BBS9: variants seen among roughly 807,000 people sequenced by gnomAD.
The protein encoded by BBS9 is protein PTHB1.
BBS9 carries 89 observed loss-of-function variants against 117.7 expected under a neutral mutation model. That is an observed-to-expected ratio of 0.76 (90% CI 0.64 to 0.90). The LOEUF is 0.90. Among genes scored for constraint, BBS9 ranks in the 40% least tolerant of loss-of-function variants. The probability of loss-of-function intolerance (pLI) is 0.00; values close to 1 mark genes in which losing one functional copy is unlikely to be tolerated. For missense variants in BBS9, 982 were observed against 1,042.2 expected (o/e 0.94, Z 0.80); for synonymous variants, 379 against 370.9 (o/e 1.02, Z -0.25).
At chr7:33,482,566 GCTT>G (rs1438651191) in intron 19 of BBS9, among the ~76,000 whole-genome samples, 19 of 152,242 alleles carry the variant, frequency 1.2e-4, no homozygotes, top group African/African-American at 4.3e-4. Context: ...AAGTTGTAGA[GCTT>G]CTAATTATGC....
intron 5 of BBS9, among the ~76,000 whole-genome samples, chr7:33,186,665 T>C (rs952192188): frequency 6.6e-6 from 1 of 152,204 alleles, no homozygotes; most frequent in Non-Finnish European, 1.5e-5. Flanking sequence ...CCAAAAATTA[T>C]AATATTAATT....
intron 16 of BBS9, among the ~76,000 whole-genome samples, chr7:33,359,213 A>C (rs1820178081): frequency 6.6e-6 from 1 of 151,938 alleles, no homozygotes; most frequent in Non-Finnish European, 1.5e-5. Context: ...CTACCTTAGG[A>C]ACATAGTTGG....
In BBS9 at chr7:33,222,223, G is replaced by C. The variant is rs185003027; in HGVS notation, c.443-35013G>C. 1.7e-3 allele frequency among the ~76,000 whole-genome samples: 263 copies of C among 152,152 alleles called. 1 individual carries two copies. The highest frequency in any genetic ancestry group is 6.0e-3 in the African/African-American group (250 of 41,512). On this transcript the variant is annotated intron_variant, in intron 5 of 22. Coordinates refer to ENST00000242067, the MANE Select transcript of BBS9 (RefSeq NM_198428.3). The stretch of plus-strand genomic sequence containing the variant: ...GATAGAAATGATAGATGTTATATGC[G>C]GTTATACCTTTTTAGATTTTTTCAT...
intron 9 of BBS9, among the ~76,000 whole-genome samples, chr7:33,298,692 G>A (rs1025976745): frequency 1.4e-4 from 21 of 152,278 alleles, no homozygotes; most frequent in East Asian, 9.6e-4. Context: ...GCAGAGTTCT[G>A]TTTTAGCTTC....
chr7:33,493,846 T>G (rs1245430990), intron 19 of BBS9, among the ~76,000 whole-genome samples: 1 of 152,218 alleles, frequency 6.6e-6, no homozygotes, highest in African/African-American at 2.4e-5. Context: ...GGTCTGAGTA[T>G]AAAAATATTC....
chr7:33,294,307 A>ATCTATCTATCTATCTG (rs1804747328), intron 9 of BBS9, among the ~76,000 whole-genome samples: 3 of 88,260 alleles, frequency 3.4e-5, no homozygotes, highest in African/African-American at 1.8e-4. Flanking sequence ...CTATCTATCT[A>ATCTATCTATCTATCTG]TCTATCTATC....
chr7:33,388,271 C>A, intron 19 of BBS9, 127 bp downstream of exon 19: 2 of 1,174,478 alleles, frequency 1.7e-6, no homozygotes, highest in Non-Finnish European at 1.2e-6. Flanking sequence ...GTGAACAGTG[C>A]ACAAGCTTTA....
At chr7:33,252,488 CAG>C (rs1221417135) in intron 5 of BBS9, among the ~76,000 whole-genome samples, 2 of 152,050 alleles carry the variant, frequency 1.3e-5, no homozygotes, top group Non-Finnish European at 2.9e-5. Context: ...GCTCTGTGAC[CAG>C]AGTTTCTCAT....
intron 19 of BBS9, among the ~76,000 whole-genome samples, chr7:33,429,112 A>G (rs1357145194): frequency 6.6e-6 from 1 of 152,044 alleles, no homozygotes; most frequent in African/African-American, 2.4e-5. Context: ...TGCTTTTTTT[A>G]GTGGAGCATG....
chr7:33,360,640 C>A lies in BBS9; in HGVS notation c.1693+2645C>A, dbSNP rs370646160. Among the ~76,000 whole-genome samples, 18 of 151,512 alleles carry A rather than the reference C, an allele frequency of 1.2e-4. No individual in the cohort carries two copies. In the South Asian group the frequency reaches 3.3e-3, roughly 28 times the overall value. On this transcript the variant is annotated intron_variant, in intron 16 of 22. Transcript: ENST00000242067. ...GGCTCAAGCAATCCTCCCACCTTAG[C>A]CTCTAGAGTAGCTGAGACTACAGGC...
chr7:33,393,447 C>A lies in BBS9; in HGVS notation c.2115+5303C>A, dbSNP rs181548770. On this transcript the variant is annotated intron_variant, in intron 19 of 22. Transcript: ENST00000242067. ...AGTAGCCATACTGGATTTCTTAATACTTTTAGAACAAAGGGTCCTGTATTT... is the reference window on the plus strand; with the variant it reads ...AGTAGCCATACTGGATTTCTTAATAATTTTAGAACAAAGGGTCCTGTATTT... 5.0e-3 allele frequency among the ~76,000 whole-genome samples: 754 copies of A among 152,232 alleles called. 10 individuals carry two copies. The highest frequency in any genetic ancestry group is 0.017 in the African/African-American group (711 of 41,554).
chr7:33,371,730 A>G (rs1417610359), intron 17 of BBS9, among the ~76,000 whole-genome samples: 2 of 151,812 alleles, frequency 1.3e-5, no homozygotes, highest in Non-Finnish European at 2.9e-5. Flanking sequence ...TATAAATCTG[A>G]AAAAAAATAG....
chr7:33,439,149 T>G (rs1835752050), intron 19 of BBS9, among the ~76,000 whole-genome samples: 1 of 152,122 alleles, frequency 6.6e-6, no homozygotes, highest in Non-Finnish European at 1.5e-5. Context: ...CGGGCCCTAG[T>G]TTTTTTCCCT....
intron 5 of BBS9, among the ~76,000 whole-genome samples, chr7:33,247,896 C>T: frequency 6.6e-6 from 1 of 152,090 alleles, no homozygotes; most frequent in Non-Finnish European, 1.5e-5. Flanking sequence ...TCATATTGAA[C>T]CTATCACATA....
At chr7:33,516,016 A>G (rs927191891) in intron 20 of BBS9, among the ~76,000 whole-genome samples, 29 of 152,236 alleles carry the variant, frequency 1.9e-4, no homozygotes, top group African/African-American at 7.0e-4. Flanking sequence ...ATTGAGGAGT[A>G]TTAACATTGC....
At chr7:33,445,746 G>A (rs1836896764) in intron 19 of BBS9, among the ~76,000 whole-genome samples, 1 of 152,144 alleles carries the variant, frequency 6.6e-6, no homozygotes, top group African/African-American at 2.4e-5. Flanking sequence ...TGGATCATGG[G>A]GGCAGTTCCC....
At chr7:33,408,405 C>G (rs1308841708) in intron 19 of BBS9, among the ~76,000 whole-genome samples, 2 of 152,136 alleles carry the variant, frequency 1.3e-5, no homozygotes, top group African/African-American at 4.8e-5. Context: ...GAGGCAATGC[C>G]TCACCCTGCT....
chr7:33,438,107 A>G (rs1835591951), intron 19 of BBS9, among the ~76,000 whole-genome samples: 1 of 152,200 alleles, frequency 6.6e-6, no homozygotes, highest in African/African-American at 2.4e-5. Context: ...TTTATTTAAA[A>G]TACCACAGAA....
At chr7:33,312,910 G>A (rs1381616830) in intron 9 of BBS9, among the ~76,000 whole-genome samples, 2 of 152,022 alleles carry the variant, frequency 1.3e-5, no homozygotes, top group African/African-American at 2.4e-5. Context: ...TTTTTGGGTT[G>A]TTTCTTCATT....
Sources: gnomAD v4.1 joint callset for allele counts (sites outside exome capture counted in the v4.1 genomes callset) on GRCh38, gnomAD v4.1.1 for gene constraint, MANE v1.5 for transcripts, NCBI Gene and HGNC (gene_info 2026-07-23, HGNC 2026-07-21) for gene names.